The following TUT4 variants were observed in gnomAD, a reference collection of about 807,000 sequenced individuals.
TUT4 encodes terminal uridylyltransferase 4.
TUT4 carries 36 observed loss-of-function variants against 192.2 expected under a neutral mutation model. The ratio of observed to expected loss-of-function variants is 0.19; its 90% CI spans 0.14 to 0.25. TUT4 has a LOEUF of 0.25. Ranked by LOEUF, TUT4 falls within the 10% of genes least tolerant of loss-of-function variation. The pLI, the probability that TUT4 is intolerant of heterozygous loss-of-function variation, is 1.00. For missense variants in TUT4, 1,493 were observed against 1,957.2 expected (o/e 0.76, Z 4.47); for synonymous variants, 618 against 666.0 (o/e 0.93, Z 1.11).
At chr1:52,463,505 A>C in intron 16 of TUT4, 3 of 1,065,000 alleles carry the variant, frequency 2.8e-6, no homozygotes, top group Non-Finnish European at 3.4e-6. Context: ...ATGATTTTAG[A>C]AAAGCACACT....
chr1:52,479,864 G>C (rs1033436066), intron 11 of TUT4, among the ~76,000 whole-genome samples: 1 of 151,832 alleles, frequency 6.6e-6, no homozygotes, highest in Non-Finnish European at 1.5e-5. Flanking sequence ...CATGGTGGCC[G>C]GGCACCTGTA....
At chr1:52,436,571 A>C (rs1475476384) in intron 26 of TUT4, among the ~76,000 whole-genome samples, 184 bp downstream of exon 26, 1 of 152,316 alleles carries the variant, frequency 6.6e-6, no homozygotes, top group African/African-American at 2.4e-5. Flanking sequence ...CCTTGATAAT[A>C]AACTTATCCA....
chr1:52,483,983 AATAT>A, intron 9 of TUT4, among the ~76,000 whole-genome samples: 1 of 152,156 alleles, frequency 6.6e-6, no homozygotes, highest in South Asian at 2.1e-4. Flanking sequence ...CGTCTCTAAA[AATAT>A]ATATAATTGA....
At chr1:52,482,351 A>C (rs1002280543) in intron 9 of TUT4, among the ~76,000 whole-genome samples, 5 of 152,198 alleles carry the variant, frequency 3.3e-5, no homozygotes, top group Admixed American at 2.6e-4. Flanking sequence ...TTTTACCAAA[A>C]TAGTATATTA....
intron 13 of TUT4, among the ~76,000 whole-genome samples, chr1:52,473,268 G>A (rs573413274): frequency 4.6e-5 from 7 of 152,152 alleles, no homozygotes; most frequent in Non-Finnish European, 7.4e-5. Flanking sequence ...TTATTGGGAG[G>A]GGAAAATGGG....
At chr1:52,508,347 T>TTTCTTGC (rs1265944368) in intron 4 of TUT4, among the ~76,000 whole-genome samples, 2 of 146,366 alleles carry the variant, frequency 1.4e-5, no homozygotes, top group Non-Finnish European at 3.0e-5. Context: ...AAAAAAAAGG[T>TTTCTTGC]TTCTTGCTTG....
intron 16 of TUT4, 144 bp downstream of exon 16, chr1:52,464,926 G>C: frequency 3.6e-6 from 2 of 554,208 alleles, no homozygotes; most frequent in Non-Finnish European, 5.9e-6. Flanking sequence ...AAATGCTACT[G>C]TTTTCATATT....
chr1:52,465,638 G>A (rs1416094285), intron 15 of TUT4, among the ~76,000 whole-genome samples: 1 of 152,144 alleles, frequency 6.6e-6, no homozygotes, highest in Non-Finnish European at 1.5e-5. Context: ...ACTACCAATA[G>A]TTAAGATCAA....
chr1:52,540,092 G>A lies in TUT4; in HGVS notation c.-94+12839C>T, dbSNP rs549713400. Among the ~76,000 whole-genome samples the A allele has an allele frequency of 2.4e-4, 36 of 151,298 alleles. No individual in the cohort carries two copies. In the East Asian group the frequency reaches 5.8e-3, roughly 25 times the overall value. The stretch of plus-strand genomic sequence containing the variant: ...AAATTAGCTGGGCATGGTGGCGGGC[G>A]CCTGTGTTACCAGCTACTCGGGAGG... On this transcript the variant is annotated intron_variant, in intron 1 of 29. Transcript: ENST00000257177.
At chr1:52,498,845 C>T (rs1333699338) in intron 4 of TUT4, among the ~76,000 whole-genome samples, 2 of 137,820 alleles carry the variant, frequency 1.5e-5, no homozygotes, top group African/African-American at 5.5e-5. Context: ...CAAGATCGCA[C>T]CACTGCACTC....
At chr1:52,451,401 G>A (rs1342926090) in intron 20 of TUT4, among the ~76,000 whole-genome samples, 2 of 152,124 alleles carry the variant, frequency 1.3e-5, no homozygotes, top group Admixed American at 6.6e-5. Flanking sequence ...TCCTAGCCAG[G>A]CTAATTAAGA....
intron 1 of TUT4, among the ~76,000 whole-genome samples, chr1:52,548,764 CT>C (rs1688697119): frequency 6.6e-6 from 1 of 152,140 alleles, no homozygotes. Context: ...ATACCTATTT[CT>C]TTTTAAAAGT....
At chr1:52,493,729 A>ATTG in intron 6 of TUT4, 67 bp from the exon 7 acceptor site, 2 of 969,076 alleles carry the variant, frequency 2.1e-6, no homozygotes, top group Non-Finnish European at 3.2e-6. Context: ...CATTAAGGAA[A>ATTG]ACTCAATTTC....
intron 1 of TUT4, among the ~76,000 whole-genome samples, chr1:52,530,690 CGGA>C (rs1271572389): frequency 1.3e-5 from 2 of 152,060 alleles, no homozygotes; most frequent in Admixed American, 1.3e-4. Flanking sequence ...GAAGTTCTCT[CGGA>C]GGAGAGAGTA....
intron 1 of TUT4, among the ~76,000 whole-genome samples, chr1:52,539,867 T>G (rs187791106): frequency 2.0e-5 from 3 of 149,586 alleles, no homozygotes; most frequent in African/African-American, 7.4e-5. Flanking sequence ...GATTATGCCA[T>G]TGCACTTTGG....
intron 4 of TUT4, among the ~76,000 whole-genome samples, chr1:52,508,489 C>G (rs1165987527): frequency 2.0e-5 from 3 of 152,136 alleles, no homozygotes; most frequent in African/African-American, 7.2e-5. Flanking sequence ...TTCAAGAAAA[C>G]TATGTTGAGC....
chr1:52,456,550 G>A (rs1000439574), intron 20 of TUT4, among the ~76,000 whole-genome samples: 2 of 149,634 alleles, frequency 1.3e-5, no homozygotes, highest in Non-Finnish European at 3.0e-5. Context: ...AAGACATGGA[G>A]GAAATTTAAA....
At chr1:52,513,975 A>C (rs1424718289) in intron 3 of TUT4, among the ~76,000 whole-genome samples, 2 of 152,240 alleles carry the variant, frequency 1.3e-5, no homozygotes, top group Non-Finnish European at 2.9e-5. Context: ...TTAAGTACTA[A>C]ATAAAGATGA....
chr1:52,478,905 C>T (rs1570747763), intron 11 of TUT4, among the ~76,000 whole-genome samples: 1 of 152,130 alleles, frequency 6.6e-6, no homozygotes, highest in Admixed American at 6.5e-5. Context: ...CCCCAAAGAT[C>T]TTGCCTTCAT....
Sources: gnomAD v4.1 joint callset for allele counts (sites outside exome capture counted in the v4.1 genomes callset) on GRCh38, gnomAD v4.1.1 for gene constraint, MANE v1.5 for transcripts, NCBI Gene and HGNC (gene_info 2026-07-23, HGNC 2026-07-21) for gene names.